Variants in TLL2 observed in about 807,000 individuals in gnomAD.
TLL2 encodes the protein tolloid like 2.
A neutral mutation model predicts 123.0 loss-of-function variants in TLL2; 106 were observed. That is an observed-to-expected ratio of 0.86 (90% CI 0.74 to 1.01). TLL2 has a LOEUF of 1.01. Among genes scored for constraint, TLL2 ranks in the 50% least tolerant of loss-of-function variants. The pLI is 0.00. For synonymous variants in TLL2, 494 were observed against 516.8 expected (o/e 0.96, Z 0.60); for missense variants, 1,332 against 1,336.7 (o/e 1.00, Z 0.06).
chr10:96,395,129 C>CA (rs1846324651), intron 13 of TLL2, 58 bp downstream of exon 13: 9 of 1,519,002 alleles, frequency 5.9e-6, no homozygotes, highest in Non-Finnish European at 5.3e-6. Flanking sequence ...TGTCTTAGGC[C>CA]AGGGGGAGCA....
intron 2 of TLL2, among the ~76,000 whole-genome samples, chr10:96,463,639 G>A (rs1847102214): frequency 6.6e-6 from 1 of 152,194 alleles, no homozygotes; most frequent in Admixed American, 6.5e-5. Flanking sequence ...GGGGGACACT[G>A]GGGGTGATCC....
chr10:96,384,708 G>A lies in TLL2; in HGVS notation c.2073C>T (p.His691=), dbSNP rs146545391. 6.2e-7 allele frequency: 1 copy of A among 1,611,866 alleles called. No homozygotes were observed. Among genetic ancestry groups the A allele is most frequent in the Admixed American group, 1.7e-5 (1 of 59,858 alleles). Residue 691 remains histidine, a synonymous_variant, in exon 16 of 21, where the codon CAC becomes CAT. Coordinates refer to ENST00000357947, the MANE Select transcript of TLL2 (RefSeq NM_012465.4). ...RSGLSPDAKL[H]GRFCGSETPE... The stretch of plus-strand genomic sequence containing the variant: ...GCGTCTCAGAGCCGCAGAACCTGCC[G>A]TGCAGCTTGGCGTCGGGGGACAGGC...
At chr10:96,446,198 G>A (rs1346318663) in intron 2 of TLL2, 30 bp from the exon 3 acceptor site, 1 of 1,609,602 alleles carries the variant, frequency 6.2e-7, no homozygotes, top group Non-Finnish European at 8.5e-7. Context: ...AGAGGCATGA[G>A]GACACATCAG....
chr10:96,394,658 AG>A (rs1420649636), intron 13 of TLL2, among the ~76,000 whole-genome samples: 1 of 152,196 alleles, frequency 6.6e-6, no homozygotes, highest in Non-Finnish European at 1.5e-5. Flanking sequence ...GCCCACATCA[AG>A]GAATAGTAGC....
At chr10:96,493,516 G>A (rs1175591671) in intron 1 of TLL2, among the ~76,000 whole-genome samples, 3 of 152,118 alleles carry the variant, frequency 2.0e-5, no homozygotes, top group African/African-American at 7.2e-5. Context: ...CTGGAGTGGG[G>A]GGCCCAGCCA....
At chr10:96,478,306 C>T (rs941607277) in intron 2 of TLL2, among the ~76,000 whole-genome samples, 2 of 152,194 alleles carry the variant, frequency 1.3e-5, no homozygotes, top group Admixed American at 1.3e-4. Context: ...AGACCCAAAC[C>T]GGGGAGACCA....
intron 1 of TLL2, among the ~76,000 whole-genome samples, chr10:96,506,415 T>G (rs1482161979): frequency 6.6e-6 from 1 of 151,796 alleles, no homozygotes; most frequent in Non-Finnish European, 1.5e-5. Flanking sequence ...CAAATAACCA[T>G]AGTCCAGGCT....
At chr10:96,371,700 C>T (rs951854251) in intron 19 of TLL2, among the ~76,000 whole-genome samples, 1 of 152,324 alleles carries the variant, frequency 6.6e-6, no homozygotes, top group Admixed American at 6.5e-5. Context: ...GCCGGACGCC[C>T]CCACCCTCCC....
chr10:96,450,382 C>A (rs755332830), intron 2 of TLL2, among the ~76,000 whole-genome samples: 1 of 152,140 alleles, frequency 6.6e-6, no homozygotes. Context: ...AAAATACTGG[C>A]GTCTGGGTCC....
chr10:96,478,770 T>A (rs1847283387), intron 2 of TLL2, among the ~76,000 whole-genome samples: 1 of 152,008 alleles, frequency 6.6e-6, no homozygotes, highest in Non-Finnish European at 1.5e-5. Flanking sequence ...GTGATAGAGG[T>A]CAGACCAGTG....
intron 1 of TLL2, among the ~76,000 whole-genome samples, chr10:96,492,588 C>A (rs1289684055): frequency 1.3e-5 from 2 of 152,226 alleles, no homozygotes; most frequent in African/African-American, 4.8e-5. Flanking sequence ...CGCTCCAATG[C>A]ACTCCAGCCT....
At chr10:96,479,086 A>T (rs4919025) in intron 2 of TLL2, among the ~76,000 whole-genome samples, 117,002 of 152,092 alleles carry the variant, frequency 0.77, 45,098 homozygotes, top group Middle Eastern at 0.9. Context: ...TTCCTTTAGT[A>T]AGAGCTTAAG....
At chr10:96,510,421 A>G (rs1847617607) in intron 1 of TLL2, among the ~76,000 whole-genome samples, 1 of 152,236 alleles carries the variant, frequency 6.6e-6, no homozygotes, top group African/African-American at 2.4e-5. Context: ...TTTAAAAGTC[A>G]TCCCTTTTTA....
At chr10:96,437,106 A>G (rs1188046241) in intron 3 of TLL2, among the ~76,000 whole-genome samples, 2 of 152,114 alleles carry the variant, frequency 1.3e-5, no homozygotes, top group Non-Finnish European at 2.9e-5. Context: ...TTATTCTCTG[A>G]GTTAATTGCA....
intron 8 of TLL2, among the ~76,000 whole-genome samples, chr10:96,412,637 C>T (rs967629330): frequency 6.6e-6 from 1 of 152,178 alleles, no homozygotes; most frequent in Non-Finnish European, 1.5e-5. Flanking sequence ...TGGCAGACTC[C>T]TGGCCACTGA....
chr10:96,411,517 T>C (rs1226215456), intron 8 of TLL2, among the ~76,000 whole-genome samples: 1 of 152,238 alleles, frequency 6.6e-6, no homozygotes, highest in African/African-American at 2.4e-5. Context: ...CTAGTCTTTA[T>C]GTATGTGAAA....
chr10:96,473,111 T>C (rs1323860412), intron 2 of TLL2, among the ~76,000 whole-genome samples: 2 of 152,118 alleles, frequency 1.3e-5, no homozygotes, highest in Non-Finnish European at 2.9e-5. Context: ...CTCAAAGTCA[T>C]GGACAGAGTA....
At chr10:96,475,134 C>T (rs1847224845) in intron 2 of TLL2, among the ~76,000 whole-genome samples, 1 of 152,166 alleles carries the variant, frequency 6.6e-6, no homozygotes, top group African/African-American at 2.4e-5. Flanking sequence ...ACAGTGGTCA[C>T]AAGGTTGCCA....
intron 2 of TLL2, among the ~76,000 whole-genome samples, chr10:96,472,488 G>A (rs116222437): frequency 0.017 from 2,556 of 152,306 alleles, 76 homozygotes; most frequent in African/African-American, 0.058. Context: ...TGGGCTGAGT[G>A]CAGTGGCTCG....
Sources: allele counts gnomAD v4.1 joint callset (sites outside exome capture counted in the v4.1 genomes callset), GRCh38; gene constraint gnomAD v4.1.1; transcripts MANE v1.5; gene names NCBI Gene and HGNC (gene_info 2026-07-23, HGNC 2026-07-21).